Variants in BAZ2B observed in about 807,000 individuals in gnomAD.
BAZ2B encodes bromodomain adjacent to zinc finger domain protein 2B.
A neutral mutation model predicts 246.0 loss-of-function variants in BAZ2B; 91 were observed. That is an observed-to-expected ratio of 0.37 (90% confidence interval 0.31 to 0.44). BAZ2B has a LOEUF of 0.44. Among genes scored for constraint, BAZ2B ranks in the 20% least tolerant of loss-of-function variants. The pLI, the probability that BAZ2B is intolerant of heterozygous loss-of-function variation, is 1.00. For missense variants in BAZ2B, 2,332 were observed against 2,533.7 expected (o/e 0.92, Z 1.71); for synonymous variants, 855 against 860.0 (o/e 0.99, Z 0.10).
intron 1 of BAZ2B, among the ~76,000 whole-genome samples, chr2:159,577,170 G>C (rs12477092): frequency 0.31 from 46,412 of 152,032 alleles, 8,863 homozygotes; most frequent in Admixed American, 0.43. Flanking sequence ...CAAGGCTGCA[G>C]TGAGCCATGA....
chr2:159,549,485 TCTC>T (rs2087836641), intron 2 of BAZ2B, among the ~76,000 whole-genome samples: 1 of 152,152 alleles, frequency 6.6e-6, no homozygotes, highest in Admixed American at 6.5e-5. Context: ...TTTCCATTCT[TCTC>T]CTAAAACTTC....
chr2:159,593,061 A>C (rs1689769630), intron 1 of BAZ2B, among the ~76,000 whole-genome samples: 1 of 152,320 alleles, frequency 6.6e-6, no homozygotes, highest in East Asian at 1.9e-4. Flanking sequence ...AAATGGGCTT[A>C]CTCTACTGCT....
chr2:159,624,708 T>A, the BAZ2B span, among the ~76,000 whole-genome samples: 1 of 152,062 alleles, frequency 6.6e-6, no homozygotes, highest in Non-Finnish European at 1.5e-5. Context: ...GGTAGATAAA[T>A]CCATGAAGAT....
At chr2:159,683,484 C>T in the BAZ2B span, among the ~76,000 whole-genome samples, 1 of 152,200 alleles carries the variant, frequency 6.6e-6, no homozygotes, top group Admixed American at 6.5e-5. Flanking sequence ...AAATATAGAA[C>T]AGTTCCATCA....
At chr2:159,490,660 C>A (rs2080353696) in intron 2 of BAZ2B, among the ~76,000 whole-genome samples, 1 of 152,052 alleles carries the variant, frequency 6.6e-6, no homozygotes. Flanking sequence ...AGCTAGGAGA[C>A]CACAGGCTCA....
At chr2:159,348,870 T>C (rs772884858) in intron 29 of BAZ2B, 37 bp from the exon 30 acceptor site, 1 of 1,570,308 alleles carries the variant, frequency 6.4e-7, no homozygotes, top group Non-Finnish European at 8.6e-7. Flanking sequence ...TTTACAAATA[T>C]TTTGAATAGG....
rs1221131528 is a variant in BAZ2B at position 159,366,915 on chromosome 2, AGGG to A, written c.4213+6127_4213+6129del. Among the ~76,000 whole-genome samples the A allele has an allele frequency of 2.0e-5, 3 of 152,276 alleles. No individual in the cohort carries two copies. The East Asian group carries it at 5.8e-4, about 29-fold the overall frequency. On this transcript the variant is annotated intron_variant, in intron 27 of 36. Transcript: ENST00000392783. ...TATCTAGTGAGCCACACCAAGGGTC[AGGG>A]GGTGGACTGAGAAGGAATAAACCCT...
intron 2 of BAZ2B, among the ~76,000 whole-genome samples, chr2:159,532,826 G>A (rs950517986): frequency 9.2e-5 from 14 of 152,262 alleles, no homozygotes; most frequent in Non-Finnish European, 2.1e-4. Context: ...GTTTTAGGTA[G>A]ACATGGCCAG....
intron 31 of BAZ2B, among the ~76,000 whole-genome samples, chr2:159,343,897 G>A (rs1198564217): frequency 6.6e-6 from 1 of 151,426 alleles, no homozygotes; most frequent in Non-Finnish European, 1.5e-5. Flanking sequence ...GTGGTGGTGG[G>A]CGCCTGTAGT....
the BAZ2B span, among the ~76,000 whole-genome samples, chr2:159,676,647 G>GCACGCACACACA: frequency 7.5e-6 from 1 of 132,544 alleles, no homozygotes; most frequent in Non-Finnish European, 1.6e-5. Context: ...GTATCTAAAT[G>GCACGCACACACA]CACACACACA....
At chr2:159,609,327 T>C (rs1183999893) in intron 1 of BAZ2B, among the ~76,000 whole-genome samples, 2 of 152,224 alleles carry the variant, frequency 1.3e-5, no homozygotes, top group African/African-American at 4.8e-5. Context: ...GTTTTAGGAT[T>C]AGCATTATTC....
At chr2:159,469,562 G>A (rs4505475) in intron 3 of BAZ2B, among the ~76,000 whole-genome samples, 118,277 of 151,874 alleles carry the variant, frequency 0.78, 46,694 homozygotes, top group Non-Finnish European at 0.85. Flanking sequence ...CAGCCTCTCA[G>A]GTAGCTGGGA....
intron 2 of BAZ2B, among the ~76,000 whole-genome samples, chr2:159,549,916 C>T (rs965598639): frequency 1.3e-5 from 2 of 151,578 alleles, no homozygotes; most frequent in African/African-American, 4.8e-5. Context: ...CTCCGCCTCC[C>T]GAGTTCAAGC....
intron 1 of BAZ2B, among the ~76,000 whole-genome samples, chr2:159,579,074 G>C (rs1686064201): frequency 6.6e-6 from 1 of 152,082 alleles, no homozygotes; most frequent in African/African-American, 2.4e-5. Context: ...ACTAAGATCA[G>C]AGCAGAACTG....
intron 13 of BAZ2B, among the ~76,000 whole-genome samples, chr2:159,413,469 A>G (rs2067143253): frequency 6.6e-6 from 1 of 152,156 alleles, no homozygotes; most frequent in East Asian, 1.9e-4. Flanking sequence ...GCACTTTGGG[A>G]GGCCGAGGCA....
intron 28 of BAZ2B, 58 bp downstream of exon 28, chr2:159,349,650 A>C: frequency 6.7e-7 from 1 of 1,483,338 alleles, no homozygotes; most frequent in Non-Finnish European, 9.1e-7. Flanking sequence ...AAAAATCTCC[A>C]TGGGGTCAAA....
At position 159,429,218 on chromosome 2, in the gene BAZ2B, C is replaced by G. The variant is rs991973729; in HGVS notation, c.2237G>C (p.Arg746Pro). The G allele has an allele frequency of 1.3e-6, 2 of 1,559,392 alleles. No individual in the cohort carries two copies. The highest frequency in any genetic ancestry group is 2.7e-5 in the African/African-American group (2 of 73,916). The part of the protein sequence containing the change: ...RRRVTDEREL[R>P]IPLEYGWQRE... The stretch of plus-strand genomic sequence containing the variant: ...TGCATACCCATATTCCAATGGAATA[C>G]GCAGTTCACGTTCATCTGTTACTCT... Residue 746 changes from arginine to proline, a missense_variant, in exon 11 of 37, where the codon CGT becomes CCT. Around this residue, in one of 9 missense-constraint regions of BAZ2B, gnomAD observed 651 missense variants for 650.9 expected, o/e 1.00. Transcript: ENST00000392783.
rs1578511958 is a variant in BAZ2B at position 159,573,854 on chromosome 2, C to G, written c.-45-17989G>C. Among the ~76,000 whole-genome samples, 10 of 152,258 alleles carry G rather than the reference C, an allele frequency of 6.6e-5. No homozygotes were observed. In the South Asian group the frequency reaches 2.1e-3, roughly 32 times the overall value. Reference sequence around the variant, plus strand: ...GTGGCTCACATCCATAATCCTAGCACTTTGGGAGGACAAGGTAGGTAGATC... The same window carrying G: ...GTGGCTCACATCCATAATCCTAGCAGTTTGGGAGGACAAGGTAGGTAGATC... On this transcript the variant is annotated intron_variant, in intron 1 of 36. Coordinates refer to ENST00000392783, the MANE Select transcript of BAZ2B (RefSeq NM_013450.4).
At chr2:159,625,848 C>T in the BAZ2B span, among the ~76,000 whole-genome samples, 14 of 152,044 alleles carry the variant, frequency 9.2e-5, no homozygotes, top group African/African-American at 3.4e-4. Flanking sequence ...TGTAAACAGG[C>T]TAAATACCCC....
Sources: gnomAD v4.1 joint callset for allele counts (sites outside exome capture counted in the v4.1 genomes callset) on GRCh38, gnomAD v4.1.1 for gene constraint, gnomAD v4.1.1 regional missense constraint, MANE v1.5 for transcripts, NCBI Gene and HGNC (gene_info 2026-07-23, HGNC 2026-07-21) for gene names.